The following CPEB3 variants were observed in gnomAD, a reference collection of about 807,000 sequenced individuals.
CPEB3 encodes the protein cytoplasmic polyadenylation element binding protein 3, also known as cytoplasmic polyadenylation element-binding protein 3.
Under a neutral mutation model 67.2 loss-of-function variants are expected in CPEB3, and 20 were observed. The ratio of observed to expected loss-of-function variants is 0.30; its 90% CI spans 0.21 to 0.43. CPEB3 has a LOEUF of 0.43. CPEB3 is among the 20% of genes least tolerant of loss of function. CPEB3 has a pLI of 1.00. For missense variants in CPEB3, 746 were observed against 968.6 expected, an observed-to-expected ratio of 0.77 and a Z score of 3.05; for synonymous variants, 376 against 393.1, an observed-to-expected ratio of 0.96 and a Z score of 0.51.
chr10:92,249,525 G>A (rs1391147241), intron 1 of CPEB3, among the ~76,000 whole-genome samples: 1 of 152,086 alleles, frequency 6.6e-6, no homozygotes, highest in South Asian at 2.1e-4. Flanking sequence ...GTGCATGCCT[G>A]TAATCGCAAC....
At chr10:92,238,018 G>C (rs971974687) in intron 2 of CPEB3, among the ~76,000 whole-genome samples, 1 of 152,032 alleles carries the variant, frequency 6.6e-6, no homozygotes, top group Non-Finnish European at 1.5e-5. Context: ...TCATGAATGG[G>C]AGCCACTCCA....
At chr10:92,180,397 T>C (rs1348199827) in intron 4 of CPEB3, among the ~76,000 whole-genome samples, 3 of 152,186 alleles carry the variant, frequency 2.0e-5, no homozygotes, top group South Asian at 4.1e-4. Context: ...TCATTCACAT[T>C]ATATTCTCTA....
chr10:92,200,545 CAAAAAAAAAA>C (rs57165866), intron 2 of CPEB3, among the ~76,000 whole-genome samples: 4 of 54,556 alleles, frequency 7.3e-5, no homozygotes, highest in Non-Finnish European at 9.6e-5. Context: ...AACTCCGTCT[CAAAAAAAAAA>C]AAAAAAAAAA....
At chr10:92,219,162 T>C (rs894687474) in intron 2 of CPEB3, among the ~76,000 whole-genome samples, 11 of 152,208 alleles carry the variant, frequency 7.2e-5, no homozygotes, top group African/African-American at 2.4e-4. Context: ...AAATTCTTAA[T>C]ATAAATTCCT....
At chr10:92,250,415 TA>T (rs1271766586) in intron 1 of CPEB3, among the ~76,000 whole-genome samples, 16 of 152,110 alleles carry the variant, frequency 1.1e-4, no homozygotes, top group Non-Finnish European at 2.1e-4. Flanking sequence ...TTTAAAAGTT[TA>T]AAAAGTTAAA....
At chr10:92,259,064 G>A (rs1852672347) in intron 1 of CPEB3, among the ~76,000 whole-genome samples, 1 of 151,702 alleles carries the variant, frequency 6.6e-6, no homozygotes, top group South Asian at 2.1e-4. Context: ...CCGGGTTCAA[G>A]CAATTCTCCT....
intron 1 of CPEB3, among the ~76,000 whole-genome samples, chr10:92,273,361 G>A (rs2135008472): frequency 6.6e-6 from 1 of 152,038 alleles, no homozygotes; most frequent in East Asian, 1.9e-4. Context: ...ACAATATCTG[G>A]TATATAGTTG....
rs1003330044 is a variant in CPEB3 at position 92,291,057 on chromosome 10, C to T, written c.-143G>A. ...CGGCGGCAGGCGCGGAGGCGTTGGT[C>T]CGGGCGGGCTGTGCAGCCTCTAGTG... On this transcript the variant is annotated 5_prime_UTR_variant, in exon 1 of 10. Coordinates refer to ENST00000265997, the MANE Select transcript of CPEB3 (RefSeq NM_014912.5). The T allele has an allele frequency of 7.8e-5, 14 of 180,050 alleles. No homozygotes were observed. The highest frequency in any genetic ancestry group is 3.3e-4 in the African/African-American group (14 of 42,404). 11.2% of individuals were successfully genotyped at this position (180,050 alleles called of 1,614,324 possible). A position where few individuals can be genotyped will look rare whatever the true frequency, so the allele number is the denominator to read the frequency against.
At chr10:92,272,728 T>C (rs1414671721) in intron 1 of CPEB3, among the ~76,000 whole-genome samples, 1 of 152,204 alleles carries the variant, frequency 6.6e-6, no homozygotes, top group Non-Finnish European at 1.5e-5. Flanking sequence ...CAAAGATCAA[T>C]TTATGGATTA....
intron 2 of CPEB3, among the ~76,000 whole-genome samples, chr10:92,218,665 G>A (rs977360743): frequency 6.6e-6 from 1 of 152,128 alleles, no homozygotes; most frequent in Non-Finnish European, 1.5e-5. Context: ...ACCCACAGTA[G>A]GCCAACATAA....
chr10:92,203,528 A>ATTTTT (rs1298232679), intron 2 of CPEB3, among the ~76,000 whole-genome samples: 1 of 93,894 alleles, frequency 1.1e-5, no homozygotes, highest in Non-Finnish European at 2.4e-5. Context: ...ATATATATAT[A>ATTTTT]TTTTTTTTTT....
chr10:92,261,695 C>T (rs1406787019), intron 1 of CPEB3, among the ~76,000 whole-genome samples: 2 of 152,138 alleles, frequency 1.3e-5, no homozygotes, highest in African/African-American at 2.4e-5. Context: ...GTGATCCACC[C>T]ACCTCGGCCT....
In CPEB3 at chr10:92,081,372, G is replaced by A. The variant is rs1355017756; in HGVS notation, c.1817C>T (p.Ala606Val). ...VAFSNQQSYI[A>V]AISARFVQLQ... The stretch of plus-strand genomic sequence containing the variant: ...CTGCACAAAACGAGCGCTGATGGCT[G>A]CAATGTAACTCTGCTGATTGGAGAA... The change falls in exon 9 of 10, where the codon GCA becomes GTA. Residue 606 changes from alanine (A) to valine (V), a missense_variant. By Grantham distance (64) the Ala-to-Val change is moderately conservative. This residue lies in a region of CPEB3 where 103 missense variants were observed against 251.1 expected (regional missense o/e 0.41). Coordinates refer to ENST00000265997, the MANE Select transcript of CPEB3 (RefSeq NM_014912.5). 1 of 1,614,080 alleles carries A rather than the reference G, an allele frequency of 6.2e-7. No individual in the cohort carries two copies. Among genetic ancestry groups the A allele is most frequent in the Non-Finnish European group, 8.5e-7 (1 of 1,180,044 alleles).
intron 1 of CPEB3, among the ~76,000 whole-genome samples, chr10:92,269,945 T>C (rs1564922621): frequency 6.6e-6 from 1 of 151,978 alleles, no homozygotes; most frequent in African/African-American, 2.4e-5. Context: ...TCATCTATCC[T>C]TTTCTGTCAC....
chr10:92,273,960 T>C (rs1178860226), intron 1 of CPEB3, among the ~76,000 whole-genome samples: 1 of 152,166 alleles, frequency 6.6e-6, no homozygotes, highest in Non-Finnish European at 1.5e-5. Flanking sequence ...GCTCCTAGGG[T>C]ACCTATCTAT....
intron 2 of CPEB3, among the ~76,000 whole-genome samples, chr10:92,220,961 C>A (rs1850671995): frequency 6.6e-6 from 1 of 152,168 alleles, no homozygotes; most frequent in African/African-American, 2.4e-5. Context: ...ACAGATGCCC[C>A]TCTGCTCCAG....
intron 2 of CPEB3, among the ~76,000 whole-genome samples, chr10:92,210,116 T>C (rs1426034546): frequency 6.6e-6 from 1 of 152,148 alleles, no homozygotes; most frequent in Non-Finnish European, 1.5e-5. Flanking sequence ...GCCAGAATTA[T>C]AATGCTCTGC....
chr10:92,138,335 T>C (rs1846214932), intron 6 of CPEB3: 1 of 213,114 alleles, frequency 4.7e-6, no homozygotes, highest in African/African-American at 2.3e-5. Flanking sequence ...AACACCTCCA[T>C]TGAGGTGATG....
chr10:92,077,060 G>C (rs541756670), intron 9 of CPEB3, among the ~76,000 whole-genome samples: 1 of 152,254 alleles, frequency 6.6e-6, no homozygotes, highest in East Asian at 1.9e-4. Context: ...AAAACTTGGA[G>C]AGGTTATTCA....
Sources: allele counts gnomAD v4.1 joint callset (sites outside exome capture counted in the v4.1 genomes callset), GRCh38; gene constraint gnomAD v4.1.1; regional missense constraint gnomAD v4.1.1; transcripts MANE v1.5; gene names NCBI Gene and HGNC (gene_info 2026-07-23, HGNC 2026-07-21).